Variants in CLRN3 observed in about 807,000 individuals in gnomAD.
CLRN3 encodes the protein clarin-3.
In CLRN3, 12 loss-of-function variants were observed where a neutral mutation model predicts 16.7. The ratio of observed to expected loss-of-function variants is 0.72; its 90% CI spans 0.46 to 1.16. The LOEUF is 1.16. CLRN3 is among the 50% of genes most tolerant of loss of function. CLRN3 has a pLI of 0.00. For synonymous variants in CLRN3, 118 were observed against 113.0 expected, an observed-to-expected ratio of 1.04 and a Z score of -0.28; for missense variants, 296 against 274.2, an observed-to-expected ratio of 1.08 and a Z score of -0.56.
intron 1 of CLRN3, among the ~76,000 whole-genome samples, chr10:127,889,776 A>G (rs1339685705): frequency 2.6e-5 from 4 of 152,218 alleles, no homozygotes; most frequent in African/African-American, 9.6e-5. Flanking sequence ...TGAATGACTC[A>G]TTTTGTCATG....
intron 2 of CLRN3, among the ~76,000 whole-genome samples, chr10:127,883,310 G>A (rs377304490): frequency 2.6e-4 from 39 of 152,218 alleles, no homozygotes; most frequent in East Asian, 1.4e-3. Flanking sequence ...GTGTGCATGC[G>A]TGTGCATGTG....
At chr10:127,878,441 C>T (rs1845087411) in intron 2 of CLRN3, 21 bp from the exon 3 acceptor site, 1 of 1,612,044 alleles carries the variant, frequency 6.2e-7, no homozygotes, top group Admixed American at 1.7e-5. Context: ...GATGGAGTTT[C>T]ATGCATGGCA....
At chr10:127,881,468 G>T (rs1439349872) in intron 2 of CLRN3, among the ~76,000 whole-genome samples, 1 of 152,204 alleles carries the variant, frequency 6.6e-6, no homozygotes, top group Non-Finnish European at 1.5e-5. Flanking sequence ...GCAATGCTGG[G>T]TCCCTGTTGT....
chr10:127,882,170 T>C (rs925610473), intron 2 of CLRN3, among the ~76,000 whole-genome samples: 3 of 152,234 alleles, frequency 2.0e-5, no homozygotes, highest in Non-Finnish European at 4.4e-5. Context: ...GAAACAGTGA[T>C]ATTCATTCTA....
intron 1 of CLRN3, among the ~76,000 whole-genome samples, chr10:127,889,514 C>T (rs1166633058): frequency 6.6e-6 from 1 of 151,960 alleles, no homozygotes; most frequent in African/African-American, 2.4e-5. Context: ...ATCCCAGCTA[C>T]TAGGGAGGCT....
chr10:127,884,476 C>T (rs1030159601), intron 1 of CLRN3, among the ~76,000 whole-genome samples: 3 of 152,220 alleles, frequency 2.0e-5, no homozygotes, highest in Admixed American at 2.0e-4. Flanking sequence ...GGTCCTACTT[C>T]AGACTCCACT....
At chr10:127,881,108 G>C (rs1395555339) in intron 2 of CLRN3, among the ~76,000 whole-genome samples, 2 of 152,178 alleles carry the variant, frequency 1.3e-5, no homozygotes, top group African/African-American at 4.8e-5. Flanking sequence ...CTGTGCTGAG[G>C]CCTTCTCCCA....
intron 1 of CLRN3, among the ~76,000 whole-genome samples, chr10:127,884,928 AG>A (rs1469618707): frequency 2.0e-5 from 3 of 152,200 alleles, no homozygotes; most frequent in African/African-American, 7.2e-5. Context: ...CATGGGAGAA[AG>A]GGATTAGGGA....
Position 127,878,116 on chromosome 10 carries a change from T to C in CLRN3, c.*33A>G. On this transcript the variant is annotated 3_prime_UTR_variant, in exon 3 of 3. Coordinates refer to ENST00000368671, the MANE Select transcript of CLRN3 (RefSeq NM_152311.5). ...GTTACTACTCAGGGCTGATGTACAA[T>C]AGATGCAACGCCAAAATGAGATGAA... is the stretch of plus-strand genomic sequence containing the variant. 6.2e-7 allele frequency: 1 copy of C among 1,604,620 alleles called. No individual in the cohort carries two copies. The highest frequency in any genetic ancestry group is 8.5e-7 in the Non-Finnish European group (1 of 1,173,174).
In CLRN3 at chr10:127,883,761, C is replaced by A. The variant is rs771810535; in HGVS notation, c.344G>T (p.Ser115Ile). The stretch of plus-strand genomic sequence containing the variant: ...GAATGTCTGGTAAGGGTTGCTGATG[C>A]TGTTGTAGAAGGTAAACCCAGAGCT... Reference protein sequence around the residue: ...LLSSGFTFYNSISNPYQTFLG... With the variant: ...LLSSGFTFYNIISNPYQTFLG... The change falls in exon 2 of 3, where the codon AGC becomes ATC. Residue 115 changes from serine to isoleucine, a missense_variant. Coordinates refer to ENST00000368671, the MANE Select transcript of CLRN3 (RefSeq NM_152311.5). 4.3e-6 allele frequency: 7 copies of A among 1,613,668 alleles called. No individual in the cohort carries two copies. The highest frequency in any genetic ancestry group is 5.1e-6 in the Non-Finnish European group (6 of 1,179,748).
chr10:127,877,972 C>T lies in CLRN3; in HGVS notation c.*177G>A. On this transcript the variant is annotated 3_prime_UTR_variant, in exon 3 of 3. Transcript: ENST00000368671. ...CGACATTTCCCATTCATTTCCCCAA[C>T]CTTGTGGGAAAAATTTTCAGGAGTA... The T allele has an allele frequency of 1.4e-6, 1 of 728,026 alleles. No homozygotes were observed. Among genetic ancestry groups the T allele is most frequent in the Non-Finnish European group, 2.2e-6 (1 of 456,468 alleles). 45.1% of individuals were successfully genotyped at this position (728,026 alleles called of 1,614,324 possible).
chr10:127,891,809 C>T (rs1457290253), intron 1 of CLRN3, among the ~76,000 whole-genome samples: 1 of 152,246 alleles, frequency 6.6e-6, no homozygotes, highest in East Asian at 1.9e-4. Context: ...ATAATACTTG[C>T]ATACAACATT....
chr10:127,892,913 A>C lies in CLRN3; in HGVS notation c.-129T>G. ...ACTTTATTGTCAAATATAAAATCTCACTCTTCCTGAGGAAGGGTTATGCTA... is the reference window on the plus strand; with the variant it reads ...ACTTTATTGTCAAATATAAAATCTCCCTCTTCCTGAGGAAGGGTTATGCTA... On this transcript the variant is annotated 5_prime_UTR_variant, in exon 1 of 3. Transcript: ENST00000368671. 3.0e-5 allele frequency: 19 copies of C among 626,702 alleles called. No homozygotes were observed. The highest frequency in any genetic ancestry group is 5.5e-5 in the Admixed American group (2 of 36,088). The allele number at this position is 626,702 out of a possible 1,614,324, so 38.8% of individuals were successfully genotyped here. A position where few individuals can be genotyped will look rare whatever the true frequency, so the allele number is the denominator to read the frequency against.
At position 127,878,271 on chromosome 10, in the gene CLRN3, C is replaced by T. The variant is rs768006534; in HGVS notation, c.559G>A (p.Val187Ile). Residue 187 changes from valine to isoleucine, a missense_variant, in exon 3 of 3, where the codon GTC becomes ATC. Transcript: ENST00000368671. ...YGYSFWLILL[V>I]ILLNIVTVTI... ...ACAGTGACTATATTTAGAAGAATGACGAGCAGTATGAGCCAGAACGAGTAT... is the reference window on the plus strand; with the variant it reads ...ACAGTGACTATATTTAGAAGAATGATGAGCAGTATGAGCCAGAACGAGTAT... The T allele has an allele frequency of 2.8e-5, 46 of 1,614,150 alleles. No homozygotes were observed. The Middle Eastern group carries it at 4.9e-4, about 17-fold the overall frequency.
At chr10:127,884,606 G>A (rs1845169892) in intron 1 of CLRN3, among the ~76,000 whole-genome samples, 2 of 152,208 alleles carry the variant, frequency 1.3e-5, no homozygotes, top group Admixed American at 6.5e-5. Flanking sequence ...AATCCTAACA[G>A]CATTGGATGA....
intron 2 of CLRN3, among the ~76,000 whole-genome samples, chr10:127,882,681 C>T (rs1241404286): frequency 2.0e-5 from 3 of 152,186 alleles, no homozygotes; most frequent in Non-Finnish European, 4.4e-5. Flanking sequence ...ATGATGCTGC[C>T]CTCAGCCCCT....
Position 127,892,734 on chromosome 10 carries a change from G to C in CLRN3, c.51C>G (p.Ser17Arg). ...AGCAAATTACAATGAAGGACCCAAG[G>C]CTGGTGAAAAAGCTTGATAAGAACA... Reference protein sequence around the residue: ...TLMFLSSFFTSLGSFIVICSI... With the variant: ...TLMFLSSFFTRLGSFIVICSI... Residue 17 changes from serine to arginine, a missense_variant, in exon 1 of 3, where the codon AGC becomes AGG. Ser to Arg is a moderately radical substitution (Grantham distance 110). Coordinates refer to ENST00000368671, the MANE Select transcript of CLRN3 (RefSeq NM_152311.5). 2.5e-6 allele frequency: 4 copies of C among 1,613,710 alleles called. No individual in the cohort carries two copies. Among genetic ancestry groups the C allele is most frequent in the Admixed American group, 1.7e-5 (1 of 60,012 alleles).
chr10:127,888,644 A>G (rs1845224199), intron 1 of CLRN3, among the ~76,000 whole-genome samples: 1 of 152,160 alleles, frequency 6.6e-6, no homozygotes, highest in Non-Finnish European at 1.5e-5. Context: ...GGAGTGCCAG[A>G]TGGGGAGAGA....
intron 1 of CLRN3, among the ~76,000 whole-genome samples, chr10:127,887,659 A>G (rs1845211478): frequency 6.6e-6 from 1 of 152,180 alleles, no homozygotes; most frequent in Non-Finnish European, 1.5e-5. Context: ...ATTTCCTGCC[A>G]CACAGGTCTG....
Sources: allele counts gnomAD v4.1 joint callset (sites outside exome capture counted in the v4.1 genomes callset), GRCh38; gene constraint gnomAD v4.1.1; transcripts MANE v1.5; gene names NCBI Gene and HGNC (gene_info 2026-07-23, HGNC 2026-07-21).